The following KIAA1217 variants were observed in gnomAD, a reference collection of about 807,000 sequenced individuals.
KIAA1217 encodes sickle tail protein homolog.
In KIAA1217, 88 loss-of-function variants were observed where a neutral mutation model predicts 163.9. That is an observed-to-expected ratio of 0.54 (90% CI 0.45 to 0.64). The LOEUF (loss-of-function observed/expected upper bound fraction) is 0.64. Ranked by LOEUF, KIAA1217 falls within the 30% of genes least tolerant of loss-of-function variation. The probability of loss-of-function intolerance (pLI) is 0.00; values close to 1 mark genes in which losing one functional copy is unlikely to be tolerated. For synonymous variants in KIAA1217, 903 were observed against 923.1 expected (o/e 0.98, Z 0.39); for missense variants, 2,372 against 2,475.0 (o/e 0.96, Z 0.88).
intron 2 of KIAA1217, among the ~76,000 whole-genome samples, chr10:24,185,549 C>T (rs1054920769): frequency 2.0e-5 from 3 of 152,120 alleles, no homozygotes; most frequent in African/African-American, 7.2e-5. Flanking sequence ...AATCCCAGCA[C>T]TTTGGGAGGC....
intron 1 of KIAA1217, among the ~76,000 whole-genome samples, chr10:23,718,215 A>G (rs922595131): frequency 6.6e-6 from 1 of 152,184 alleles, no homozygotes; most frequent in Non-Finnish European, 1.5e-5. Flanking sequence ...CTTGCATGTC[A>G]TCAATAGAAA....
chr10:24,389,887 G>A (rs2054602619), intron 3 of KIAA1217, among the ~76,000 whole-genome samples: 1 of 142,204 alleles, frequency 7.0e-6, no homozygotes. Context: ...GCTTGATCGG[G>A]TTGAGACTGC....
rs1430320475 is a variant in KIAA1217, at chr10:24,524,338, G to T, written c.2472G>T (p.Gly824=). 6.2e-7 allele frequency: 1 copy of T among 1,609,616 alleles called. No individual in the cohort carries two copies. Among genetic ancestry groups the T allele is most frequent in the Non-Finnish European group, 8.5e-7 (1 of 1,176,278 alleles). ...LTMLRRHVTD[G]LLKGTDAAQA... ...TTTCTCCTAGACATGTCACTGATGG[G>T]CTCCTGAAAGGCACGGACGCAGCCC... Residue 824 remains glycine, a synonymous_variant, in exon 13 of 21, where the codon GGG becomes GGT. Coordinates refer to ENST00000376454, the MANE Select transcript of KIAA1217 (RefSeq NM_019590.5).
At chr10:23,916,193 A>G (rs77929707) in intron 1 of KIAA1217, among the ~76,000 whole-genome samples, 8,124 of 152,324 alleles carry the variant, frequency 0.053, 278 homozygotes, top group Middle Eastern at 0.11. Context: ...CTGATGTCCA[A>G]TGAGGGTGAG....
intron 1 of KIAA1217, among the ~76,000 whole-genome samples, chr10:23,833,433 A>C (rs1838303019): frequency 6.6e-6 from 1 of 151,718 alleles, no homozygotes; most frequent in Non-Finnish European, 1.5e-5. Context: ...CAGTGAGCCA[A>C]GATCATGCCA....
At chr10:24,297,659 G>A (rs1270546003) in intron 2 of KIAA1217, among the ~76,000 whole-genome samples, 3 of 152,202 alleles carry the variant, frequency 2.0e-5, no homozygotes, top group Non-Finnish European at 4.4e-5. Context: ...AGGAGGCTGA[G>A]GCAGGAGAAT....
intron 1 of KIAA1217, among the ~76,000 whole-genome samples, chr10:23,930,475 T>G (rs1303575654): frequency 6.6e-6 from 1 of 152,226 alleles, no homozygotes; most frequent in Non-Finnish European, 1.5e-5. Flanking sequence ...CTGTATTATT[T>G]GCTCTCAACT....
At chr10:24,239,722 T>G (rs1564323861) in intron 2 of KIAA1217, among the ~76,000 whole-genome samples, 5 of 151,588 alleles carry the variant, frequency 3.3e-5, no homozygotes, top group African/African-American at 1.2e-4. Context: ...TGTGTGTTCT[T>G]TTACTCTTAC....
At chr10:24,306,314 T>C (rs1235486695) in intron 2 of KIAA1217, among the ~76,000 whole-genome samples, 1 of 152,184 alleles carries the variant, frequency 6.6e-6, no homozygotes, top group Non-Finnish European at 1.5e-5. Context: ...TTGTACATGG[T>C]TCTGTGCATG....
chr10:23,984,694 T>A (rs1845900892), intron 1 of KIAA1217, among the ~76,000 whole-genome samples: 1 of 150,876 alleles, frequency 6.6e-6, no homozygotes, highest in African/African-American at 2.4e-5. Context: ...TTCTCACTCA[T>A]AAGTGGGAGT....
At chr10:23,818,305 A>G (rs1313858435) in intron 1 of KIAA1217, among the ~76,000 whole-genome samples, 1 of 139,738 alleles carries the variant, frequency 7.2e-6, no homozygotes, top group African/African-American at 2.7e-5. Context: ...TATATAAATT[A>G]TATATATATA....
chr10:23,983,697 C>A (rs1249282980), intron 1 of KIAA1217, among the ~76,000 whole-genome samples: 4 of 152,158 alleles, frequency 2.6e-5, no homozygotes, highest in African/African-American at 9.7e-5. Context: ...AGATCCAAAC[C>A]AGATCACTAG....
At chr10:24,177,952 T>G (rs2065988201) in intron 2 of KIAA1217, among the ~76,000 whole-genome samples, 5 of 152,244 alleles carry the variant, frequency 3.3e-5, no homozygotes, top group Non-Finnish European at 1.5e-5. Flanking sequence ...TTATCTAATG[T>G]GTGTACAGAT....
chr10:24,027,252 C>T (rs1427309017), intron 2 of KIAA1217, among the ~76,000 whole-genome samples: 3 of 152,120 alleles, frequency 2.0e-5, no homozygotes, highest in Non-Finnish European at 4.4e-5. Flanking sequence ...CCTCCCTGCA[C>T]TATGACCTGG....
rs752590291 is a variant in KIAA1217, at chr10:24,528,094, C to T, written c.3057C>T (p.Ala1019=). The T allele has an allele frequency of 2.5e-6, 4 of 1,613,866 alleles. No individual in the cohort carries two copies. Among genetic ancestry groups the T allele is most frequent in the Admixed American group, 1.7e-5 (1 of 59,980 alleles). The change falls in exon 14 of 21, where the codon GCC becomes GCT. Residue 1019 remains alanine (A), a synonymous_variant. Transcript: ENST00000376454. The stretch of plus-strand genomic sequence containing the variant: ...CAGGCCCACTGCCAAGGGGAGATGC[C>T]CCAGTGGACAAGGTGGAACTTTCAG... ...PATGPLPRGD[A]PVDKVELSED...
At chr10:24,348,340 A>AAATAAAATAG (rs1412543832) in intron 2 of KIAA1217, among the ~76,000 whole-genome samples, 2 of 151,986 alleles carry the variant, frequency 1.3e-5, no homozygotes, top group Non-Finnish European at 2.9e-5. Flanking sequence ...CCTGTCACAA[A>AAATAAAATAG]AATAAAATAA....
chr10:23,873,864 A>G (rs1313070469), intron 1 of KIAA1217, among the ~76,000 whole-genome samples: 1 of 152,056 alleles, frequency 6.6e-6, no homozygotes, highest in East Asian at 1.9e-4. Flanking sequence ...AAGGCATTCA[A>G]ATTTATGGAC....
At position 24,544,470 on chromosome 10, in the gene KIAA1217, G is replaced by T; in HGVS notation, c.5200G>T (p.Ala1734Ser). ...AGAGCCCCCTACGTCGATACCTTCA[G>T]CTTCACGTAAGGTATCTTGGTCTGC... ...ALEPPTSIPS[A>S]SRKGSSGAPQ... The change falls in exon 19 of 21, where the codon GCT (alanine) becomes TCT (serine). Residue 1734 changes from alanine (A) to serine (S), a missense_variant. Coordinates refer to ENST00000376454, the MANE Select transcript of KIAA1217 (RefSeq NM_019590.5). 1 of 1,610,880 alleles carries T rather than the reference G, an allele frequency of 6.2e-7. No homozygotes were observed. The highest frequency in any genetic ancestry group is 8.5e-7 in the Non-Finnish European group (1 of 1,178,082).
At chr10:23,899,646 A>G (rs1841868611) in intron 1 of KIAA1217, among the ~76,000 whole-genome samples, 1 of 152,102 alleles carries the variant, frequency 6.6e-6, no homozygotes, top group Non-Finnish European at 1.5e-5. Flanking sequence ...GTGGTCAACA[A>G]CTTATCTCCT....
Sources: gnomAD v4.1 joint callset for allele counts (sites outside exome capture counted in the v4.1 genomes callset) on GRCh38, gnomAD v4.1.1 for gene constraint, MANE v1.5 for transcripts, NCBI Gene and HGNC (gene_info 2026-07-23, HGNC 2026-07-21) for gene names.